Variants in FRMPD4 observed in about 807,000 individuals in gnomAD.
FRMPD4 encodes the protein FERM and PDZ domain-containing protein 4.
A neutral mutation model predicts 94.1 loss-of-function variants in FRMPD4; 22 were observed. The ratio of observed to expected loss-of-function variants is 0.23; its 90% confidence interval spans 0.17 to 0.33. FRMPD4 has a LOEUF of 0.33. FRMPD4 is among the 10% of genes least tolerant of loss of function. The pLI, the probability that FRMPD4 is intolerant of heterozygous loss-of-function variation, is 1.00. For synonymous variants in FRMPD4, 631 were observed against 548.6 expected (o/e 1.15, Z -2.10); for missense variants, 1,111 against 1,339.9 (o/e 0.83, Z 2.67).
intron 3 of FRMPD4, among the ~76,000 whole-genome samples, chrX:12,131,495 T>C (rs1449694991): frequency 8.9e-6 from 1 of 112,227 alleles, no homozygotes; most frequent in African/African-American, 3.2e-5. Context: ...TAAGAAAAGT[T>C]GAATGATTTC....
chrX:12,476,908 G>A (rs1424913024), intron 1 of FRMPD4, among the ~76,000 whole-genome samples: 3 of 111,740 alleles, frequency 2.7e-5, no homozygotes, highest in Admixed American at 9.5e-5. Flanking sequence ...ACAGTGTGGC[G>A]ATTCCTCAGG....
chrX:12,398,775 C>A (rs920685226), intron 1 of FRMPD4, among the ~76,000 whole-genome samples: 1 of 111,441 alleles, frequency 9.0e-6, no homozygotes, highest in African/African-American at 3.3e-5. Context: ...ATTAATGTTG[C>A]CTAGTTGTAA....
rs184618541 is a variant in FRMPD4 at position 11,959,763 on chromosome X, C to T, written c.95+81745C>T. On this transcript the variant is annotated intron_variant, in intron 3 of 18. Transcript: ENST00000640291. ...TTATAACTAGCCATGTCTGACCTCC[C>T]AACCTGTCAGCTTCTCAGGTTTCTC... 2.5e-3 allele frequency among the ~76,000 whole-genome samples: 283 copies of T among 111,422 alleles called. 1 individual carries two copies. Among genetic ancestry groups the T allele is most frequent in the African/African-American group, 8.2e-3 (252 of 30,680 alleles).
chrX:11,912,723 T>C (rs768474097), intron 3 of FRMPD4, among the ~76,000 whole-genome samples: 52 of 109,272 alleles, frequency 4.8e-4, no homozygotes, highest in Admixed American at 7.8e-4. Context: ...AATTACACTG[T>C]AGGACATGAG....
chrX:12,414,850 A>G (rs2056778840), intron 1 of FRMPD4, among the ~76,000 whole-genome samples: 1 of 112,299 alleles, frequency 8.9e-6, no homozygotes, highest in East Asian at 2.8e-4. Flanking sequence ...GTTACAAGAG[A>G]GACTTTTTCA....
chrX:12,560,047 C>A (rs1444062224), intron 2 of FRMPD4, among the ~76,000 whole-genome samples: 1 of 111,760 alleles, frequency 8.9e-6, no homozygotes, highest in African/African-American at 3.3e-5. Context: ...AATGGTAATT[C>A]ATGACACTTT....
intron 1 of FRMPD4, among the ~76,000 whole-genome samples, chrX:12,305,789 A>G (rs978413353): frequency 2.1e-4 from 20 of 93,877 alleles, no homozygotes; most frequent in African/African-American, 7.8e-4. Context: ...CTGGTCTCAA[A>G]CTCTTGGTCT....
At chrX:11,891,035 T>C (rs772427691) in intron 3 of FRMPD4, among the ~76,000 whole-genome samples, 38 of 112,804 alleles carry the variant, frequency 3.4e-4, no homozygotes, top group Non-Finnish European at 3.0e-4. Context: ...CAGCTGCCTC[T>C]TGGGGTGTCT....
intron 1 of FRMPD4, among the ~76,000 whole-genome samples, chrX:12,230,877 A>C (rs1448503962): frequency 3.3e-5 from 3 of 89,742 alleles, no homozygotes; most frequent in African/African-American, 1.2e-4. Context: ...ATTATATATA[A>C]TAATATATAC....
chrX:11,981,184 G>T (rs752792279), intron 3 of FRMPD4, among the ~76,000 whole-genome samples: 2 of 111,776 alleles, frequency 1.8e-5, no homozygotes, highest in South Asian at 7.4e-4. Context: ...TTTTCTAAGT[G>T]TATTTTCCAA....
At chrX:12,072,648 A>T (rs2147473316) in intron 3 of FRMPD4, among the ~76,000 whole-genome samples, 1 of 111,866 alleles carries the variant, frequency 8.9e-6, no homozygotes, top group Non-Finnish European at 1.9e-5. Context: ...TGTGGACAAT[A>T]GACTTAATAG....
At chrX:11,833,309 T>C (rs895758453) in intron 1 of FRMPD4, among the ~76,000 whole-genome samples, 1 of 112,474 alleles carries the variant, frequency 8.9e-6, no homozygotes, top group Non-Finnish European at 1.9e-5. Flanking sequence ...TAAACATCTG[T>C]GTGCAGGTTT....
chrX:12,362,123 G>A (rs1233600366), intron 1 of FRMPD4, among the ~76,000 whole-genome samples: 1 of 110,320 alleles, frequency 9.1e-6, no homozygotes, highest in African/African-American at 3.3e-5. Context: ...ATATTAGGAG[G>A]GAAAGTCTGT....
intron 2 of FRMPD4, among the ~76,000 whole-genome samples, chrX:12,538,023 G>A (rs1356204263): frequency 9.0e-6 from 1 of 111,062 alleles, no homozygotes; most frequent in Admixed American, 9.6e-5. Flanking sequence ...GCCAAAGCAG[G>A]TCGAGGCATC....
intron 1 of FRMPD4, among the ~76,000 whole-genome samples, chrX:12,466,562 TTC>T (rs1238758877): frequency 1.1e-4 from 12 of 112,414 alleles, no homozygotes; most frequent in Admixed American, 5.7e-4. Flanking sequence ...TACTGTTCTC[TTC>T]TGTGATCTCT....
intron 1 of FRMPD4, among the ~76,000 whole-genome samples, chrX:12,168,945 G>A (rs2056174232): frequency 1.8e-5 from 2 of 111,732 alleles, no homozygotes; most frequent in South Asian, 7.4e-4. Context: ...TCTTTATTAG[G>A]TCTTATTTCA....
At chrX:12,539,881 G>A (rs1305770571) in intron 2 of FRMPD4, among the ~76,000 whole-genome samples, 1 of 111,907 alleles carries the variant, frequency 8.9e-6, no homozygotes, top group African/African-American at 3.2e-5. Context: ...TGATCCACCC[G>A]CCTCAGCCTC....
chrX:12,339,048 G>C (rs937916805), intron 1 of FRMPD4, among the ~76,000 whole-genome samples: 1 of 112,155 alleles, frequency 8.9e-6, no homozygotes, highest in Non-Finnish European at 1.9e-5. Flanking sequence ...AGGAGGGAAG[G>C]AGCTTGAGGG....
chrX:12,647,156 G>A (rs990968726), intron 4 of FRMPD4, among the ~76,000 whole-genome samples: 1 of 111,892 alleles, frequency 8.9e-6, no homozygotes, highest in Non-Finnish European at 1.9e-5. Flanking sequence ...GACTTAACAC[G>A]TTCCCTATGA....
Sources: gnomAD v4.1 joint callset for allele counts (sites outside exome capture counted in the v4.1 genomes callset) on GRCh38, gnomAD v4.1.1 for gene constraint, MANE v1.5 for transcripts, NCBI Gene and HGNC (gene_info 2026-07-23, HGNC 2026-07-21) for gene names.